Variants in SDK1 observed in about 807,000 individuals in gnomAD.
The protein encoded by SDK1 is protein sidekick-1.
In SDK1, 157 loss-of-function variants were observed where a neutral mutation model predicts 245.5. That is an observed-to-expected ratio of 0.64 (90% CI 0.56 to 0.73). SDK1 has a LOEUF of 0.73. SDK1 is among the 30% of genes least tolerant of loss of function. The pLI is 0.00. For synonymous variants in SDK1, 1,647 were observed against 1,278.5 expected (o/e 1.29, Z -6.15); for missense variants, 3,583 against 3,002.3 (o/e 1.19, Z -4.52).
chr7:3,851,330 C>T (rs1384200196), intron 5 of SDK1, among the ~76,000 whole-genome samples: 1 of 151,980 alleles, frequency 6.6e-6, no homozygotes, highest in African/African-American at 2.4e-5. Context: ...ATTCTATTTT[C>T]ATATTTCTTA....
chr7:3,543,184 T>C (rs1395266784), intron 1 of SDK1, among the ~76,000 whole-genome samples: 2 of 152,266 alleles, frequency 1.3e-5, no homozygotes, highest in Admixed American at 6.5e-5. Flanking sequence ...AAATAATGTT[T>C]CTACCACTAG....
Position 3,987,720 on chromosome 7 carries a change from G to A in SDK1, c.2131+398G>A, listed in dbSNP as rs192966611. ...AGGTTTTCTCCGGTGTAGACGTGGT[G>A]TCAAGTGTTCAGCACCCTCTTCCTG... is the stretch of plus-strand genomic sequence containing the variant. On this transcript the variant is annotated intron_variant, in intron 14 of 44. Coordinates refer to ENST00000404826, the MANE Select transcript of SDK1 (RefSeq NM_152744.4). Among the ~76,000 whole-genome samples, 302 of 151,904 alleles carry A rather than the reference G, an allele frequency of 2.0e-3. 3 individuals carry two copies. Among genetic ancestry groups the A allele is most frequent in the African/African-American group, 7.0e-3 (291 of 41,416 alleles).
At position 3,588,540 on chromosome 7, in the gene SDK1, C is replaced by T. The variant is rs533363333; in HGVS notation, c.299-30540C>T. On this transcript the variant is annotated intron_variant, in intron 1 of 44. Coordinates refer to ENST00000404826, the MANE Select transcript of SDK1 (RefSeq NM_152744.4). ...TGAATGTGCTGGACAGGTGCCAGGT[C>T]CTGCGATCCTGCAGGGTGCGTTCCT... Among the ~76,000 whole-genome samples, 11 of 152,212 alleles carry T rather than the reference C, an allele frequency of 7.2e-5. No individual in the cohort carries two copies. In the South Asian group the frequency reaches 8.3e-4, roughly 11 times the overall value.
chr7:3,951,831 C>T lies in SDK1; in HGVS notation c.1061C>T (p.Ser354Phe), dbSNP rs144614861. The T allele has an allele frequency of 2.5e-4, 396 of 1,613,858 alleles. 1 individual carries two copies. The highest frequency in any genetic ancestry group is 9.0e-4 in the Admixed American group (54 of 60,028). ...GRRLTISNPT[S>F]ADTGPYVCEA... ...CGCCTCACCATCAGCAACCCGACGTCCGCGGACACCGGGCCATACGTCTGC... is the reference window on the plus strand; with the variant it reads ...CGCCTCACCATCAGCAACCCGACGTTCGCGGACACCGGGCCATACGTCTGC... Residue 354 changes from serine to phenylalanine, a missense_variant, in exon 7 of 45, where the codon TCC becomes TTC. By Grantham distance (155) the Ser-to-Phe change is radical. Coordinates refer to ENST00000404826, the MANE Select transcript of SDK1 (RefSeq NM_152744.4).
chr7:3,917,372 G>A lies in SDK1; in HGVS notation c.848-33551G>A, dbSNP rs1392352624. Among the ~76,000 whole-genome samples the A allele has an allele frequency of 3.9e-5, 6 of 152,246 alleles. No homozygotes were observed. The South Asian group carries it at 1.0e-3, about 26-fold the overall frequency. ...TGGGATATCAGGTGTCCTCTTTGAG[G>A]GTTTCTCTCCAGGGTAGACGGGAAG... On this transcript the variant is annotated intron_variant, in intron 5 of 44. Transcript: ENST00000404826.
Position 3,359,432 on chromosome 7 carries a change from G to A in SDK1, c.298+57548G>A, listed in dbSNP as rs529630672. On this transcript the variant is annotated intron_variant, in intron 1 of 44. Transcript: ENST00000404826. ...TGAGAAATATGGCCAATATCTTAGG[G>A]AAGGTGGCAAGTTAGGAACTGTACT... Among the ~76,000 whole-genome samples, 7 of 152,306 alleles carry A rather than the reference G, an allele frequency of 4.6e-5. No homozygotes were observed. The South Asian group carries it at 6.2e-4, about 14-fold the overall frequency.
intron 1 of SDK1, among the ~76,000 whole-genome samples, chr7:3,457,503 T>G (rs562458982): frequency 1.3e-5 from 2 of 152,336 alleles, no homozygotes; most frequent in African/African-American, 4.8e-5. Context: ...TTATGACTAT[T>G]AATTATTGGT....
At chr7:3,885,616 G>A (rs1417787928) in intron 5 of SDK1, among the ~76,000 whole-genome samples, 1 of 152,146 alleles carries the variant, frequency 6.6e-6, no homozygotes, top group Non-Finnish European at 1.5e-5. Flanking sequence ...AGAATTTCGT[G>A]TGTCTCTGTT....
chr7:3,321,780 C>T (rs1245726391), intron 1 of SDK1, among the ~76,000 whole-genome samples: 18 of 44,750 alleles, frequency 4.0e-4, no homozygotes, highest in Non-Finnish European at 4.2e-4. Flanking sequence ...CCTTCCTTCT[C>T]CTTCCTTCCT....
At chr7:3,538,206 A>G (rs1015025556) in intron 1 of SDK1, among the ~76,000 whole-genome samples, 8 of 152,114 alleles carry the variant, frequency 5.3e-5, no homozygotes, top group Admixed American at 3.9e-4. Flanking sequence ...TACATTGGCC[A>G]TTTGTTTGTC....
chr7:3,609,279 T>A (rs1562599318), intron 1 of SDK1, among the ~76,000 whole-genome samples: 1 of 152,196 alleles, frequency 6.6e-6, no homozygotes, highest in Non-Finnish European at 1.5e-5. Flanking sequence ...CCAAAAACTT[T>A]GAGAACTGCT....
chr7:3,662,606 G>A (rs900368214), intron 4 of SDK1, among the ~76,000 whole-genome samples: 2 of 152,182 alleles, frequency 1.3e-5, no homozygotes, highest in African/African-American at 4.8e-5. Flanking sequence ...TCACAGGCTT[G>A]GGTTCGGAGA....
intron 17 of SDK1, among the ~76,000 whole-genome samples, chr7:4,038,562 T>A (rs1460282431): frequency 6.6e-6 from 1 of 152,256 alleles, no homozygotes; most frequent in Non-Finnish European, 1.5e-5. Context: ...TCCATGCATC[T>A]TCTAATGGTA....
At chr7:4,036,303 T>A (rs1463246235) in intron 17 of SDK1, among the ~76,000 whole-genome samples, 1 of 152,224 alleles carries the variant, frequency 6.6e-6, no homozygotes, top group Non-Finnish European at 1.5e-5. Context: ...ACAGTTCTTC[T>A]TTTTATTTCT....
chr7:3,540,932 G>C (rs1165452058), intron 1 of SDK1, among the ~76,000 whole-genome samples: 1 of 152,086 alleles, frequency 6.6e-6, no homozygotes, highest in Non-Finnish European at 1.5e-5. Context: ...TTGTCTTTTG[G>C]GGGAAGTTAT....
rs1779256554 is a variant in SDK1 at position 3,301,539 on chromosome 7, T to TGCCC, written c.-42_-39dup. The TGCCC allele has an allele frequency of 1.4e-6, 1 of 701,910 alleles. No individual in the cohort carries two copies. The highest frequency in any genetic ancestry group is 1.7e-6 in the Non-Finnish European group (1 of 575,758). 43.5% of individuals were successfully genotyped at this position (701,910 alleles called of 1,614,324 possible). On this transcript the variant is annotated 5_prime_UTR_variant, in exon 1 of 45. Coordinates refer to ENST00000404826, the MANE Select transcript of SDK1 (RefSeq NM_152744.4). ...CCGCTCGGAGCCGTCCCGCCTGTCC[T>TGCCC]GCCCGCCCGTCCGTCCGGCGCGGCG...
intron 17 of SDK1, among the ~76,000 whole-genome samples, chr7:4,047,115 GT>G (rs1789075149): frequency 6.6e-6 from 1 of 152,106 alleles, no homozygotes; most frequent in African/African-American, 2.4e-5. Context: ...AGCTGTAGGC[GT>G]TTTATAGGTG....
intron 4 of SDK1, among the ~76,000 whole-genome samples, chr7:3,695,653 T>C (rs1334634298): frequency 1.3e-5 from 2 of 152,226 alleles, no homozygotes; most frequent in African/African-American, 2.4e-5. Flanking sequence ...GAGAATTACA[T>C]TGTTAGTGCA....
chr7:4,180,186 G>A (rs931410763), intron 35 of SDK1, among the ~76,000 whole-genome samples: 3 of 151,940 alleles, frequency 2.0e-5, no homozygotes, highest in Admixed American at 6.6e-5. Context: ...CCCAGCTCCA[G>A]CTCTATGCCC....
Sources: gnomAD v4.1 joint callset for allele counts (sites outside exome capture counted in the v4.1 genomes callset) on GRCh38, gnomAD v4.1.1 for gene constraint, MANE v1.5 for transcripts, NCBI Gene and HGNC (gene_info 2026-07-23, HGNC 2026-07-21) for gene names.